The following FRMD4A variants were observed in gnomAD, a reference collection of about 807,000 sequenced individuals.
FRMD4A encodes FERM domain-containing protein 4A.
A neutral mutation model predicts 129.1 loss-of-function variants in FRMD4A; 29 were observed. The ratio of observed to expected loss-of-function variants is 0.22; its 90% confidence interval spans 0.17 to 0.31. The LOEUF (loss-of-function observed/expected upper bound fraction) is 0.31. Among genes scored for constraint, FRMD4A ranks in the 10% least tolerant of loss-of-function variants. The pLI, the probability that FRMD4A is intolerant of heterozygous loss-of-function variation, is 1.00. For synonymous variants in FRMD4A, 634 were observed against 571.6 expected (o/e 1.11, Z -1.56); for missense variants, 1,272 against 1,375.8 (o/e 0.92, Z 1.19).
In FRMD4A at chr10:14,042,602, G is replaced by T. The variant is rs7896278; in HGVS notation, c.46-183690C>A. 4.4e-3 allele frequency among the ~76,000 whole-genome samples: 673 copies of T among 152,194 alleles called. 4 individuals carry two copies. The highest frequency in any genetic ancestry group is 0.015 in the African/African-American group (634 of 41,530). On this transcript the variant is annotated intron_variant, in intron 2 of 24. Coordinates refer to ENST00000357447, the MANE Select transcript of FRMD4A (RefSeq NM_018027.5). ...ACAGGCATTTCAAACAACTTTGTGG[G>T]TATTTACGAAGGTGTACTTGTGATT...
chr10:13,954,225 C>G (rs777687438), intron 2 of FRMD4A, among the ~76,000 whole-genome samples: 6 of 152,138 alleles, frequency 3.9e-5, no homozygotes, highest in Admixed American at 6.5e-5. Context: ...CTATATTAGT[C>G]TGTTCTCACA....
chr10:14,004,575 G>A (rs966135299), intron 2 of FRMD4A, among the ~76,000 whole-genome samples: 11 of 151,972 alleles, frequency 7.2e-5, no homozygotes, highest in African/African-American at 2.7e-4. Context: ...AAAGATACAA[G>A]CCAAATGTTC....
chr10:14,312,507 C>T (rs547022264), intron 2 of FRMD4A, among the ~76,000 whole-genome samples: 1 of 152,288 alleles, frequency 6.6e-6, no homozygotes, highest in South Asian at 2.1e-4. Context: ...ATCTATCCTA[C>T]ATTATACACA....
At chr10:13,787,214 C>G (rs1435852767) in intron 5 of FRMD4A, among the ~76,000 whole-genome samples, 2 of 152,190 alleles carry the variant, frequency 1.3e-5, no homozygotes, top group Non-Finnish European at 2.9e-5. Context: ...AAGACGACAG[C>G]CTGGAAAACC....
intron 3 of FRMD4A, among the ~76,000 whole-genome samples, chr10:13,851,549 G>C (rs141628317): frequency 0.013 from 1,955 of 152,050 alleles, 16 homozygotes; most frequent in Middle Eastern, 0.017. Flanking sequence ...TTAGATTCTC[G>C]CAGGAGTCCA....
intron 2 of FRMD4A, among the ~76,000 whole-genome samples, chr10:14,059,294 A>G (rs1451048680): frequency 6.6e-6 from 1 of 152,196 alleles, no homozygotes; most frequent in Non-Finnish European, 1.5e-5. Flanking sequence ...TGTCTTAGAG[A>G]CTATCTGCTC....
At chr10:13,965,252 T>C (rs1385403300) in intron 2 of FRMD4A, among the ~76,000 whole-genome samples, 1 of 152,166 alleles carries the variant, frequency 6.6e-6, no homozygotes, top group Non-Finnish European at 1.5e-5. Context: ...CCCACCTTGT[T>C]CATGAAGGAC....
At chr10:14,152,783 T>C (rs1840405668) in intron 2 of FRMD4A, among the ~76,000 whole-genome samples, 1 of 151,930 alleles carries the variant, frequency 6.6e-6, no homozygotes, top group Non-Finnish European at 1.5e-5. Flanking sequence ...GAGGCTGCTG[T>C]GAGCTATGAT....
At chr10:13,684,699 GAC>G in intron 15 of FRMD4A, 1 of 985,312 alleles carries the variant, frequency 1.0e-6, no homozygotes, top group Non-Finnish European at 1.2e-6. Flanking sequence ...ATCTGTTTTT[GAC>G]ACAGAGGGGA....
At chr10:13,675,398 G>A (rs1231851889) in intron 15 of FRMD4A, among the ~76,000 whole-genome samples, 2 of 152,138 alleles carry the variant, frequency 1.3e-5, no homozygotes, top group African/African-American at 4.8e-5. Flanking sequence ...ATTTTAATAC[G>A]TATTGAGTTA....
chr10:14,141,156 T>C (rs2895589), intron 2 of FRMD4A, among the ~76,000 whole-genome samples: 53,338 of 151,570 alleles, frequency 0.35, 9,874 homozygotes, highest in East Asian at 0.58. Flanking sequence ...ATCTGGTGCT[T>C]TATCGGGTAC....
chr10:14,220,819 T>TGG (rs1453485661), intron 2 of FRMD4A, among the ~76,000 whole-genome samples: 4 of 151,188 alleles, frequency 2.6e-5, no homozygotes, highest in African/African-American at 9.7e-5. Context: ...TGTTTGTGTG[T>TGG]GTGTGTGTGT....
intron 2 of FRMD4A, among the ~76,000 whole-genome samples, chr10:14,060,799 G>C (rs1172161306): frequency 6.6e-6 from 1 of 152,044 alleles, no homozygotes; most frequent in East Asian, 1.9e-4. Flanking sequence ...TATATAGAGA[G>C]GAAATACAGA....
intron 2 of FRMD4A, among the ~76,000 whole-genome samples, chr10:13,904,599 C>T (rs2094859376): frequency 7.9e-5 from 12 of 152,186 alleles, no homozygotes; most frequent in Admixed American, 7.9e-4. Flanking sequence ...CACCTGTACA[C>T]GGTGTATGGT....
In FRMD4A at chr10:13,660,591, C is replaced by A; in HGVS notation, c.1661-38G>T. ...AGGAAGAGAGGAACTGAGCCCCGGT[C>A]ATCCTTCCCACAGGCTGAGACAGAA... On this transcript the variant is annotated intron_variant, in intron 19 of 24. Coordinates refer to ENST00000357447, the MANE Select transcript of FRMD4A (RefSeq NM_018027.5). 2.3e-6 allele frequency: 3 copies of A among 1,319,852 alleles called. No homozygotes were observed. The South Asian group carries it at 3.9e-5, about 17-fold the overall frequency. The allele number at this position is 1,319,852 out of a possible 1,614,324, so 81.8% of individuals were successfully genotyped here.
chr10:13,894,972 G>A (rs1042788649), intron 2 of FRMD4A, among the ~76,000 whole-genome samples: 8 of 152,262 alleles, frequency 5.3e-5, no homozygotes, highest in African/African-American at 1.7e-4. Flanking sequence ...TCTATGAAAT[G>A]GGGACAATAA....
intron 2 of FRMD4A, among the ~76,000 whole-genome samples, chr10:14,279,564 C>T (rs907173182): frequency 2.0e-5 from 3 of 152,140 alleles, no homozygotes; most frequent in Admixed American, 6.5e-5. Context: ...CTACAATTTT[C>T]TCTCTTTATA....
At chr10:13,960,139 A>G (rs887622443) in intron 2 of FRMD4A, among the ~76,000 whole-genome samples, 2 of 152,184 alleles carry the variant, frequency 1.3e-5, no homozygotes, top group African/African-American at 2.4e-5. Flanking sequence ...TGTGAGCCCC[A>G]GGAAGTACCT....
chr10:13,754,567 C>CGTGTGTGTGT (rs56304219), intron 8 of FRMD4A, among the ~76,000 whole-genome samples: 1 of 147,886 alleles, frequency 6.8e-6, no homozygotes, highest in Admixed American at 6.7e-5. Context: ...ACAATTCTTT[C>CGTGTGTGTGT]GTGTGTGTGT....
Sources: gnomAD v4.1 joint callset for allele counts (sites outside exome capture counted in the v4.1 genomes callset) on GRCh38, gnomAD v4.1.1 for gene constraint, MANE v1.5 for transcripts, NCBI Gene and HGNC (gene_info 2026-07-23, HGNC 2026-07-21) for gene names.